Variants in MCTP1 observed in about 807,000 individuals in gnomAD.
MCTP1 encodes the protein multiple C2 and transmembrane domain-containing protein 1.
Under a neutral mutation model 120.6 loss-of-function variants are expected in MCTP1, and 69 were observed. The observed-to-expected ratio is 0.57, with a 90% CI of 0.47 to 0.70. The LOEUF (loss-of-function observed/expected upper bound fraction) is 0.70. Among genes scored for constraint, MCTP1 ranks in the 30% least tolerant of loss-of-function variants. The probability of loss-of-function intolerance (pLI) is 0.00; values close to 1 mark genes in which losing one functional copy is unlikely to be tolerated. For missense variants in MCTP1, 1,203 were observed against 1,248.8 expected (o/e 0.96, Z 0.55); for synonymous variants, 529 against 493.1 (o/e 1.07, Z -0.96).
chr5:95,018,179 G>A (rs1392563808), intron 1 of MCTP1, among the ~76,000 whole-genome samples: 3 of 151,938 alleles, frequency 2.0e-5, no homozygotes, highest in Non-Finnish European at 2.9e-5. Context: ...ACTAGGCATC[G>A]AATTACAAGA....
At chr5:95,281,777 T>C (rs1760341185) in intron 1 of MCTP1, among the ~76,000 whole-genome samples, 1 of 152,164 alleles carries the variant, frequency 6.6e-6, no homozygotes, top group Non-Finnish European at 1.5e-5. Context: ...ACAGAACAAA[T>C]TACAAATTAT....
intron 17 of MCTP1, among the ~76,000 whole-genome samples, chr5:94,836,181 A>C (rs986951140): frequency 4.3e-4 from 6 of 13,966 alleles, no homozygotes; most frequent in African/African-American, 1.5e-3. Flanking sequence ...CTCCGTCTCA[A>C]AAAAAAAAAA....
At chr5:94,880,362 C>G (rs1307705877) in intron 12 of MCTP1, among the ~76,000 whole-genome samples, 1 of 152,060 alleles carries the variant, frequency 6.6e-6, no homozygotes, top group Admixed American at 6.6e-5. Flanking sequence ...TTCAGATAAG[C>G]TTTCCTATAA....
chr5:95,202,098 G>A (rs929056814), intron 1 of MCTP1, among the ~76,000 whole-genome samples: 4 of 152,230 alleles, frequency 2.6e-5, no homozygotes, highest in South Asian at 4.2e-4. Flanking sequence ...GGTCAGTGGC[G>A]TGAGTGGGGA....
chr5:95,263,036 G>A (rs1758600029), intron 1 of MCTP1, among the ~76,000 whole-genome samples: 1 of 152,126 alleles, frequency 6.6e-6, no homozygotes, highest in African/African-American at 2.4e-5. Context: ...AATTGTGCAA[G>A]TGTACGAAGG....
At chr5:95,006,058 A>G (rs1277569890) in intron 2 of MCTP1, among the ~76,000 whole-genome samples, 3 of 152,124 alleles carry the variant, frequency 2.0e-5, no homozygotes, top group Non-Finnish European at 4.4e-5. Flanking sequence ...GGAGGAAACC[A>G]TAGCACCCAG....
intron 17 of MCTP1, among the ~76,000 whole-genome samples, chr5:94,846,839 G>C (rs1792500662): frequency 6.6e-6 from 1 of 151,962 alleles, no homozygotes. Context: ...GTGTGTGTGT[G>C]TGTGTGGTCT....
chr5:94,720,645 A>C (rs1173595032), intron 19 of MCTP1, among the ~76,000 whole-genome samples: 1 of 152,230 alleles, frequency 6.6e-6, no homozygotes, highest in African/African-American at 2.4e-5. Flanking sequence ...CCAGTAATGG[A>C]AGTTTATCTT....
intron 1 of MCTP1, among the ~76,000 whole-genome samples, chr5:95,272,204 C>G (rs1487176247): frequency 6.6e-6 from 1 of 152,058 alleles, no homozygotes; most frequent in Non-Finnish European, 1.5e-5. Flanking sequence ...CAAAGCAACA[C>G]AAAATGTCAC....
intron 17 of MCTP1, chr5:94,826,520 C>A (rs1157900008): frequency 6.8e-5 from 48 of 708,106 alleles, no homozygotes; most frequent in South Asian, 2.7e-4. Flanking sequence ...TGCCTATATT[C>A]CTTGTGATAG....
At chr5:95,079,760 CAT>C (rs1274123599) in intron 1 of MCTP1, among the ~76,000 whole-genome samples, 1 of 151,554 alleles carries the variant, frequency 6.6e-6, no homozygotes, top group Non-Finnish European at 1.5e-5. Flanking sequence ...AAATGGTGAT[CAT>C]GTTTTGAATT....
At chr5:95,170,877 G>T (rs1747178477) in intron 1 of MCTP1, among the ~76,000 whole-genome samples, 1 of 152,162 alleles carries the variant, frequency 6.6e-6, no homozygotes, top group Non-Finnish European at 1.5e-5. Flanking sequence ...TTGCCAGTCT[G>T]TGTCTTTTAA....
intron 1 of MCTP1, among the ~76,000 whole-genome samples, chr5:95,264,265 T>C (rs1384821680): frequency 1.3e-5 from 2 of 152,220 alleles, no homozygotes; most frequent in African/African-American, 4.8e-5. Flanking sequence ...TTAACTCAGG[T>C]GCTGTTATTT....
chr5:94,754,324 G>A (rs1769225022), intron 19 of MCTP1, among the ~76,000 whole-genome samples: 2 of 152,200 alleles, frequency 1.3e-5, no homozygotes, highest in African/African-American at 2.4e-5. Context: ...TAATAAAAAT[G>A]TATTGGAAAA....
chr5:94,914,379 T>C (rs766177121), intron 8 of MCTP1, among the ~76,000 whole-genome samples: 37 of 152,310 alleles, frequency 2.4e-4, no homozygotes, highest in Admixed American at 9.8e-4. Flanking sequence ...ACTTCCTACC[T>C]TTTTCCATAC....
In MCTP1 at chr5:95,185,822, CCT is replaced by C. The variant is rs1484118833; in HGVS notation, c.720+98032_720+98033del. 3.4e-4 allele frequency among the ~76,000 whole-genome samples: 51 copies of C among 151,960 alleles called. 1 individual carries two copies. The highest frequency in any genetic ancestry group is 3.3e-3 in the Admixed American group (50 of 15,252). On this transcript the variant is annotated intron_variant, in intron 1 of 22. Coordinates refer to ENST00000515393, the MANE Select transcript of MCTP1 (RefSeq NM_024717.7). ...ACCAGCCTGGCCAACATGGTGAAAC[CCT>C]GTCTCTACTAAAAAAATAAGCCGGA...
chr5:95,188,730 T>G (rs774777727), intron 1 of MCTP1, among the ~76,000 whole-genome samples: 1 of 152,178 alleles, frequency 6.6e-6, no homozygotes, highest in Non-Finnish European at 1.5e-5. Context: ...GGGAGATCTT[T>G]GTGGTGACAA....
intron 1 of MCTP1, among the ~76,000 whole-genome samples, chr5:95,031,849 A>G (rs1216943959): frequency 6.6e-6 from 1 of 152,188 alleles, no homozygotes; most frequent in Non-Finnish European, 1.5e-5. Context: ...TCAAGAGCAC[A>G]TCTCATGTGG....
intron 1 of MCTP1, among the ~76,000 whole-genome samples, chr5:95,094,294 C>G (rs1756059880): frequency 6.6e-6 from 1 of 152,156 alleles, no homozygotes; most frequent in African/African-American, 2.4e-5. Flanking sequence ...CAAGATCTTT[C>G]TCTTTTTTTC....
Sources: allele counts gnomAD v4.1 joint callset (sites outside exome capture counted in the v4.1 genomes callset), GRCh38; gene constraint gnomAD v4.1.1; transcripts MANE v1.5; gene names NCBI Gene and HGNC (gene_info 2026-07-23, HGNC 2026-07-21).